PCLO: variants seen among roughly 807,000 people sequenced by gnomAD.
PCLO encodes the protein piccolo presynaptic cytomatrix protein.
A neutral mutation model predicts 427.5 loss-of-function variants in PCLO; 82 were observed. The ratio of observed to expected loss-of-function variants is 0.19; its 90% confidence interval spans 0.16 to 0.23. The LOEUF (loss-of-function observed/expected upper bound fraction) is 0.23. Among genes scored for constraint, PCLO ranks in the 10% least tolerant of loss-of-function variants. The pLI, the probability that PCLO is intolerant of heterozygous loss-of-function variation, is 1.00. For synonymous variants in PCLO, 2,357 were observed against 2,155.4 expected (o/e 1.09, Z -2.59); for missense variants, 6,239 against 6,115.9 (o/e 1.02, Z -0.67).
chr7:83,091,975 CA>C (rs2116442099), intron 3 of PCLO, among the ~76,000 whole-genome samples: 1 of 152,168 alleles, frequency 6.6e-6, no homozygotes, highest in Admixed American at 6.5e-5. Context: ...GTTTCACTTC[CA>C]AATTTTTTTT....
chr7:82,805,928 A>G, intron 20 of PCLO, 99 bp from the exon 21 acceptor site: 1 of 1,178,754 alleles, frequency 8.5e-7, no homozygotes, highest in Admixed American at 2.2e-5. Flanking sequence ...ACATGTGACA[A>G]GAAACAGCTA....
intron 3 of PCLO, among the ~76,000 whole-genome samples, chr7:83,015,735 C>T (rs1301842764): frequency 6.6e-6 from 1 of 152,014 alleles, no homozygotes; most frequent in Admixed American, 6.6e-5. Context: ...TTTTCAGTTT[C>T]TTTAGCTGTA....
At chr7:82,772,996 G>A (rs1188776260) in intron 22 of PCLO, among the ~76,000 whole-genome samples, 1 of 152,102 alleles carries the variant, frequency 6.6e-6, no homozygotes, top group Non-Finnish European at 1.5e-5. Flanking sequence ...TGAGGTAGGA[G>A]AGCTGGTATG....
intron 22 of PCLO, among the ~76,000 whole-genome samples, 189 bp downstream of exon 22, chr7:82,801,329 A>T (rs950693415): frequency 2.0e-5 from 3 of 151,532 alleles, no homozygotes; most frequent in African/African-American, 7.3e-5. Context: ...GTTAAACACA[A>T]ATGAGAAAAT....
At chr7:82,880,607 T>C (rs1793483147) in intron 9 of PCLO, among the ~76,000 whole-genome samples, 1 of 152,072 alleles carries the variant, frequency 6.6e-6, no homozygotes, top group Admixed American at 6.6e-5. Flanking sequence ...TCTAGAAACA[T>C]TTTTGGTTGT....
intron 10 of PCLO, among the ~76,000 whole-genome samples, chr7:82,854,854 G>A (rs939875781): frequency 2.6e-5 from 4 of 152,064 alleles, no homozygotes; most frequent in African/African-American, 7.2e-5. Context: ...TGAAGAACAA[G>A]CAATTAAAAT....
intron 20 of PCLO, among the ~76,000 whole-genome samples, chr7:82,812,297 A>G (rs540129390): frequency 6.6e-6 from 1 of 151,588 alleles, no homozygotes; most frequent in Non-Finnish European, 1.5e-5. Context: ...CAATGTAACA[A>G]ATGAAAATGA....
intron 3 of PCLO, among the ~76,000 whole-genome samples, chr7:83,050,223 A>AAAAC (rs1554385563): frequency 4.9e-5 from 6 of 121,476 alleles, no homozygotes; most frequent in African/African-American, 1.9e-4. Context: ...AAAAAAAAAA[A>AAAAC]AAAAAAAAAA....
intron 3 of PCLO, among the ~76,000 whole-genome samples, chr7:82,977,158 C>T (rs1255985593): frequency 1.3e-5 from 2 of 152,050 alleles, no homozygotes; most frequent in African/African-American, 2.4e-5. Flanking sequence ...TTGACACACC[C>T]AGGTCCTGTT....
At chr7:82,864,121 T>A in intron 10 of PCLO, among the ~76,000 whole-genome samples, 1 of 152,234 alleles carries the variant, frequency 6.6e-6, no homozygotes, top group South Asian at 2.1e-4. Context: ...ATTTTTAAGT[T>A]ATACAGAATA....
chr7:82,825,276 G>T (rs1430713836), intron 18 of PCLO, among the ~76,000 whole-genome samples: 1 of 151,966 alleles, frequency 6.6e-6, no homozygotes, highest in Non-Finnish European at 1.5e-5. Context: ...TATGCTTTAG[G>T]CTCATGTAAA....
At position 82,900,224 on chromosome 7, in the gene PCLO, A is replaced by G. The variant is rs138864751; in HGVS notation, c.13528+2427T>C. ...AATTCATTCTCTATGAAAATAAAGA[A>G]GAAATTTGCTCAAAGCAAAACCTGT... On this transcript the variant is annotated intron_variant, in intron 9 of 24. Transcript: ENST00000333891. 9.5e-3 allele frequency among the ~76,000 whole-genome samples: 1,449 copies of G among 151,806 alleles called. 13 individuals are homozygous for G. The highest frequency in any genetic ancestry group is 0.038 in the South Asian group (184 of 4,824).
intron 7 of PCLO, among the ~76,000 whole-genome samples, chr7:82,912,870 T>G (rs1794356439): frequency 6.6e-6 from 1 of 152,104 alleles, no homozygotes; most frequent in Non-Finnish European, 1.5e-5. Flanking sequence ...TCTCTTTAGA[T>G]ATATGCTCAT....
chr7:82,780,890 G>T (rs1418200875), intron 22 of PCLO, among the ~76,000 whole-genome samples: 1 of 152,104 alleles, frequency 6.6e-6, no homozygotes, highest in East Asian at 1.9e-4. Context: ...TATTCAGATT[G>T]GTTGTTGTAT....
chr7:83,068,717 C>T (rs1004567630), intron 3 of PCLO, among the ~76,000 whole-genome samples: 9 of 152,112 alleles, frequency 5.9e-5, no homozygotes, highest in Non-Finnish European at 1.3e-4. Flanking sequence ...CAGTATGGAG[C>T]TTCCTCAAAA....
At chr7:83,079,706 A>T (rs1248091750) in intron 3 of PCLO, among the ~76,000 whole-genome samples, 1 of 151,952 alleles carries the variant, frequency 6.6e-6, no homozygotes, top group African/African-American at 2.4e-5. Context: ...TGAAGAGAGG[A>T]TTTTTTTATT....
chr7:82,780,249 A>T (rs906969198), intron 22 of PCLO, among the ~76,000 whole-genome samples: 5 of 152,210 alleles, frequency 3.3e-5, no homozygotes, highest in African/African-American at 1.2e-4. Flanking sequence ...GACATTCAAG[A>T]TTATTACAGT....
chr7:83,015,378 G>A (rs540716350), intron 3 of PCLO, among the ~76,000 whole-genome samples: 1 of 151,724 alleles, frequency 6.6e-6, no homozygotes, highest in Admixed American at 6.6e-5. Context: ...CTCCTAGAGT[G>A]GGAGGGAATC....
intron 8 of PCLO, among the ~76,000 whole-genome samples, chr7:82,905,229 T>C (rs1243699814): frequency 2.0e-5 from 3 of 152,060 alleles, no homozygotes; most frequent in African/African-American, 7.2e-5. Flanking sequence ...AAGAGGGCTG[T>C]TCTTTCCTAC....
Sources: gnomAD v4.1 joint callset for allele counts (sites outside exome capture counted in the v4.1 genomes callset) on GRCh38, gnomAD v4.1.1 for gene constraint, MANE v1.5 for transcripts, NCBI Gene and HGNC (gene_info 2026-07-23, HGNC 2026-07-21) for gene names.